The following UBE4B variants were observed in gnomAD, a reference collection of about 807,000 sequenced individuals.
UBE4B encodes the protein ubiquitination factor E4B.
Under a neutral mutation model 148.1 loss-of-function variants are expected in UBE4B, and 27 were observed. The ratio of observed to expected loss-of-function variants is 0.18; its 90% CI spans 0.13 to 0.25. UBE4B has a LOEUF of 0.25. Ranked by LOEUF, UBE4B falls within the 10% of genes least tolerant of loss-of-function variation. The pLI is 1.00. For synonymous variants in UBE4B, 596 were observed against 619.3 expected, an observed-to-expected ratio of 0.96 and a Z score of 0.56; for missense variants, 1,170 against 1,662.4, an observed-to-expected ratio of 0.70 and a Z score of 5.15.
chr1:10,142,991 G>A (rs1282383976), intron 17 of UBE4B, among the ~76,000 whole-genome samples: 3 of 151,528 alleles, frequency 2.0e-5, no homozygotes, highest in Non-Finnish European at 2.9e-5. Flanking sequence ...CCCTGTAGTC[G>A]CCACTACTCA....
chr1:10,055,013 G>A (rs1458342559), intron 1 of UBE4B, among the ~76,000 whole-genome samples: 2 of 151,874 alleles, frequency 1.3e-5, no homozygotes, highest in South Asian at 4.2e-4. Context: ...CTTGAACTCC[G>A]GACCTCAGGG....
chr1:10,140,611 C>T (rs958829339), intron 17 of UBE4B, among the ~76,000 whole-genome samples: 1 of 152,166 alleles, frequency 6.6e-6, no homozygotes, highest in Admixed American at 6.6e-5. Context: ...CAGTCACTCC[C>T]GCTGGCTTTA....
intron 1 of UBE4B, among the ~76,000 whole-genome samples, chr1:10,062,085 T>C (rs1174370712): frequency 6.6e-6 from 1 of 151,852 alleles, no homozygotes; most frequent in East Asian, 2.0e-4. Context: ...AATTTTTGTA[T>C]TTTTAGTAGA....
chr1:10,135,420 G>A (rs184035122), intron 16 of UBE4B, among the ~76,000 whole-genome samples: 2,623 of 151,758 alleles, frequency 0.017, 33 homozygotes, highest in Non-Finnish European at 0.027. Context: ...CCTGACCACC[G>A]TGGTGAAACC....
At chr1:10,148,262 C>A (rs115897115) in intron 19 of UBE4B, among the ~76,000 whole-genome samples, 2,603 of 151,620 alleles carry the variant, frequency 0.017, 35 homozygotes, top group Non-Finnish European at 0.027. Flanking sequence ...CTGTTGTTTC[C>A]GTTTGAGTTG....
chr1:10,129,560 A>G, intron 12 of UBE4B, 112 bp downstream of exon 12: 1 of 1,059,712 alleles, frequency 9.4e-7, no homozygotes, highest in Non-Finnish European at 1.4e-6. Context: ...ATTTAGGTGT[A>G]GGCGGAGGTA....
chr1:10,054,542 C>CT, intron 1 of UBE4B: 1 of 331,762 alleles, frequency 3.0e-6, no homozygotes, highest in Non-Finnish European at 5.8e-6. Context: ...TGGCTTTCTT[C>CT]TTTTTCTGAT....
chr1:10,078,180 T>C (rs1644616021), intron 2 of UBE4B, among the ~76,000 whole-genome samples: 1 of 152,216 alleles, frequency 6.6e-6, no homozygotes, highest in East Asian at 1.9e-4. Context: ...GGCTAATTTT[T>C]GTATTTTTAG....
At chr1:10,157,622 AC>A (rs1646094955) in intron 21 of UBE4B, among the ~76,000 whole-genome samples, 1 of 152,116 alleles carries the variant, frequency 6.6e-6, no homozygotes. Flanking sequence ...TACTAAAAAT[AC>A]AAAAATTAGC....
chr1:10,166,970 CAAAA>C (rs796133568), intron 23 of UBE4B, among the ~76,000 whole-genome samples: 72 of 133,244 alleles, frequency 5.4e-4, no homozygotes, highest in African/African-American at 1.5e-3. Context: ...CACACACACA[CAAAA>C]AAAAAAAATT....
Position 10,166,941 on chromosome 1 carries a change from TCACA to T in UBE4B, c.3199-1168_3199-1165del, listed in dbSNP as rs559608777. Among the ~76,000 whole-genome samples the T allele has an allele frequency of 3.0e-4, 39 of 131,378 alleles. No individual in the cohort carries two copies. In the East Asian group the frequency reaches 4.5e-3, roughly 15 times the overall value. 86.2% of individuals were successfully genotyped at this position (131,378 alleles called of 152,430 possible). On this transcript the variant is annotated intron_variant, in intron 23 of 27. Coordinates refer to ENST00000343090, the MANE Select transcript of UBE4B (RefSeq NM_001105562.3). ...CCCTGTCTCAAAAAAAATAAATAAA[TCACA>T]CACACACACACACACACACACACAC...
intron 10 of UBE4B, among the ~76,000 whole-genome samples, chr1:10,125,330 T>C (rs1645475865): frequency 1.3e-5 from 2 of 152,244 alleles, no homozygotes; most frequent in Admixed American, 1.3e-4. Context: ...CTCATTACAA[T>C]GTTGGCATTC....
At chr1:10,052,250 T>C (rs574022303) in intron 1 of UBE4B, among the ~76,000 whole-genome samples, 5 of 152,164 alleles carry the variant, frequency 3.3e-5, no homozygotes, top group African/African-American at 1.2e-4. Flanking sequence ...AATTTTTTTT[T>C]TTGTAGAGAC....
intron 15 of UBE4B, among the ~76,000 whole-genome samples, chr1:10,134,212 A>G (rs1280987888): frequency 6.6e-6 from 1 of 152,142 alleles, no homozygotes; most frequent in Admixed American, 6.6e-5. Flanking sequence ...ATGGTTCAGT[A>G]AAAGAATGTA....
intron 21 of UBE4B, among the ~76,000 whole-genome samples, chr1:10,158,071 A>T (rs1646102436): frequency 6.6e-6 from 1 of 152,178 alleles, no homozygotes; most frequent in African/African-American, 2.4e-5. Context: ...GAGTATGATA[A>T]TTCAGCTTTT....
chr1:10,086,121 G>A (rs4333851), intron 2 of UBE4B, among the ~76,000 whole-genome samples: 52,156 of 151,702 alleles, frequency 0.34, 13,973 homozygotes, highest in African/African-American at 0.75. Flanking sequence ...ACAGGCGCCC[G>A]CCACCACGCC....
chr1:10,033,842 A>G (rs1643399005), intron 1 of UBE4B, 148 bp downstream of exon 1: 1 of 807,866 alleles, frequency 1.2e-6, no homozygotes, highest in East Asian at 3.0e-5. Context: ...ACTCCCCGAT[A>G]GGGTCTCTGG....
chr1:10,058,731 GCC>G (rs1223204805), intron 1 of UBE4B: 2 of 152,436 alleles, frequency 1.3e-5, no homozygotes, highest in African/African-American at 2.4e-5. Flanking sequence ...ACTGACCTGA[GCC>G]TTCTGGGAGG....
rs561142272 is a variant in UBE4B, at chr1:10,161,376, C to T, written c.3198+90C>T. ...CTGCTTTGGGGCTGCATTTGTGGGT[C>T]TGATGATATGCGATCTGACATGCTG... On this transcript the variant is annotated intron_variant, in intron 23 of 27. Transcript: ENST00000343090. The surrounding 1 kb of genome is among the most constrained non-coding windows in gnomAD (Gnocchi z 4.1). 25 of 1,459,792 alleles carry T rather than the reference C, an allele frequency of 1.7e-5. No individual in the cohort carries two copies. In the South Asian group the frequency reaches 2.9e-4, roughly 17 times the overall value. 90.4% of individuals were successfully genotyped at this position (1,459,792 alleles called of 1,614,324 possible). A position where few individuals can be genotyped will look rare whatever the true frequency, so the allele number is the denominator to read the frequency against.
Sources: gnomAD v4.1 joint callset for allele counts (sites outside exome capture counted in the v4.1 genomes callset) on GRCh38, gnomAD v4.1.1 for gene constraint, Gnocchi (gnomAD v3.1) non-coding constraint, MANE v1.5 for transcripts, NCBI Gene and HGNC (gene_info 2026-07-23, HGNC 2026-07-21) for gene names.